NCAPG2: variants seen among roughly 807,000 people sequenced by gnomAD.
The protein encoded by NCAPG2 is non-SMC condensin II complex subunit G2, also known as condensin-2 complex subunit G2.
NCAPG2 carries 53 observed loss-of-function variants against 141.1 expected under a neutral mutation model. The observed-to-expected ratio is 0.38, with a 90% CI of 0.30 to 0.47. NCAPG2 has a LOEUF of 0.47. NCAPG2 is among the 20% of genes least tolerant of loss of function. The pLI is 0.99. For synonymous variants in NCAPG2, 499 were observed against 490.7 expected (o/e 1.02, Z -0.22); for missense variants, 1,087 against 1,389.0 (o/e 0.78, Z 3.46).
Position 158,664,713 on chromosome 7 carries a change from C to T in NCAPG2, c.1517G>A (p.Arg506His), listed in dbSNP as rs753719449. The change falls in exon 14 of 28, where the codon CGT (arginine) becomes CAT (histidine). Residue 506 changes from arginine to histidine, a missense_variant. Physicochemically the swap from Arg to His is conservative, Grantham distance 29 (BLOSUM62 0). Transcript: ENST00000356309. ...CACAGGTCGAGAATCAGTTTCCAGA[C>T]GAACCAGAATGTGCTCCATGGGACA... ...KICPMEHILV[R>H]LETDSRPVSR... 2.4e-5 allele frequency: 38 copies of T among 1,613,872 alleles called. No individual in the cohort carries two copies. The highest frequency in any genetic ancestry group is 1.0e-4 in the Admixed American group (6 of 59,970).
At chr7:158,675,416 C>T in intron 12 of NCAPG2, 61 bp downstream of exon 12, 1 of 1,389,180 alleles carries the variant, frequency 7.2e-7, no homozygotes, top group Non-Finnish European at 9.6e-7. Context: ...TTTTTCTTTT[C>T]CTGTTTTTCT....
In NCAPG2 at chr7:158,631,265, C is replaced by T. The variant is rs865965417; in HGVS notation, c.*401G>A. 1.5e-5 allele frequency: 3 copies of T among 203,868 alleles called. No homozygotes were observed. Among genetic ancestry groups the T allele is most frequent in the Admixed American group, 5.9e-5 (1 of 16,884 alleles). The allele number at this position is 203,868 out of a possible 1,614,324, so 12.6% of individuals were successfully genotyped here. On this transcript the variant is annotated 3_prime_UTR_variant, in exon 28 of 28. Coordinates refer to ENST00000356309, the MANE Select transcript of NCAPG2 (RefSeq NM_017760.7). Reference sequence around the variant, plus strand: ...CCTCCCAAAGTGCTGGGATTACAGGCGTGTGCCACTGCGCCGGGCCCCTAA... The same window carrying T: ...CCTCCCAAAGTGCTGGGATTACAGGTGTGTGCCACTGCGCCGGGCCCCTAA...
chr7:158,695,255 G>A (rs1416029289), intron 2 of NCAPG2, among the ~76,000 whole-genome samples: 4 of 152,172 alleles, frequency 2.6e-5, no homozygotes, highest in Non-Finnish European at 5.9e-5. Context: ...GGAAATACTA[G>A]TTGACTGATG....
chr7:158,691,897 C>G (rs748790044), intron 4 of NCAPG2, among the ~76,000 whole-genome samples: 1 of 152,184 alleles, frequency 6.6e-6, no homozygotes, highest in South Asian at 2.1e-4. Flanking sequence ...TTCTTCTCAA[C>G]AAGTTCTTGA....
chr7:158,650,891 C>G lies in NCAPG2; in HGVS notation c.3016G>C (p.Gly1006Arg). The change falls in exon 24 of 28, where the codon GGT (glycine) becomes CGT (arginine). Residue 1006 changes from glycine (G) to arginine (R), a missense_variant. Physicochemically the swap from Gly to Arg is moderately radical, Grantham distance 125. Coordinates refer to ENST00000356309, the MANE Select transcript of NCAPG2 (RefSeq NM_017760.7). Reference protein sequence around the residue: ...SRHTDTPVHRGVLSTLIAGPV... With the variant: ...SRHTDTPVHRRVLSTLIAGPV... ...CCAGCGATCAGAGTAGAAAGTACACCCCGGTGCACAGGGGTGTCTGTGTGC... is the reference window on the plus strand; with the variant it reads ...CCAGCGATCAGAGTAGAAAGTACACGCCGGTGCACAGGGGTGTCTGTGTGC... 3.7e-6 allele frequency: 6 copies of G among 1,613,854 alleles called. No individual in the cohort carries two copies. The highest frequency in any genetic ancestry group is 3.4e-6 in the Non-Finnish European group (4 of 1,179,950).
intron 14 of NCAPG2, 66 bp downstream of exon 14, chr7:158,664,462 C>G (rs1361138950): frequency 1.0e-5 from 16 of 1,555,430 alleles, no homozygotes; most frequent in Non-Finnish European, 1.4e-5. Flanking sequence ...ATACTGAACT[C>G]TGTAATTTGT....
At chr7:158,694,261 A>G (rs1835301975) in intron 2 of NCAPG2, among the ~76,000 whole-genome samples, 1 of 152,212 alleles carries the variant, frequency 6.6e-6, no homozygotes, top group African/African-American at 2.4e-5. Flanking sequence ...ATATCAAATC[A>G]TTAATTAATA....
intron 1 of NCAPG2, among the ~76,000 whole-genome samples, chr7:158,703,099 T>C (rs1835910370): frequency 6.6e-6 from 1 of 152,254 alleles, no homozygotes; most frequent in Non-Finnish European, 1.5e-5. Flanking sequence ...CCTATGTGTG[T>C]AGGCTACACC....
intron 17 of NCAPG2, among the ~76,000 whole-genome samples, chr7:158,656,995 A>G (rs1343463622): frequency 6.6e-6 from 1 of 152,236 alleles, no homozygotes; most frequent in African/African-American, 2.4e-5. Context: ...CAGATTCTAG[A>G]GCAAGAGTTT....
Position 158,657,356 on chromosome 7 carries a change from G to C in NCAPG2, c.2061-651C>G, listed in dbSNP as rs1181915123. Among the ~76,000 whole-genome samples the C allele has an allele frequency of 1.2e-4, 19 of 152,220 alleles. 1 individual carries two copies. Among genetic ancestry groups the C allele is most frequent in the Admixed American group, 1.2e-3 (18 of 15,282 alleles). On this transcript the variant is annotated intron_variant, in intron 17 of 27. Transcript: ENST00000356309. ...TCTCAGCTCAAATAGCCAAAGCCCAGGTGCTCAGGGCCACATGTGACCAAC... is the reference window on the plus strand; with the variant it reads ...TCTCAGCTCAAATAGCCAAAGCCCACGTGCTCAGGGCCACATGTGACCAAC...
In NCAPG2 at chr7:158,655,213, C is replaced by T; in HGVS notation, c.2551G>A (p.Gly851Ser). 6.2e-7 allele frequency: 1 copy of T among 1,614,102 alleles called. No homozygotes were observed. Among genetic ancestry groups the T allele is most frequent in the Non-Finnish European group, 8.5e-7 (1 of 1,180,012 alleles). The part of the protein sequence containing the change: ...KVYLSMLEDT[G>S]FWLESKILSF... ...AAAATTTTGCTTTCTAACCAAAAGC[C>T]AGTGTCTTCCAACATGGACAAATAC... is the stretch of plus-strand genomic sequence containing the variant. The change falls in exon 21 of 28, where the codon GGC becomes AGC. Residue 851 changes from glycine (G) to serine (S), a missense_variant. By Grantham distance (56) the Gly-to-Ser change is moderately conservative (BLOSUM62 0). Coordinates refer to ENST00000356309, the MANE Select transcript of NCAPG2 (RefSeq NM_017760.7).
At chr7:158,668,470 T>G (rs1211082053) in intron 13 of NCAPG2, 36 of 951,168 alleles carry the variant, frequency 3.8e-5, no homozygotes, top group Admixed American at 6.2e-5. Context: ...TGGTTTTAAG[T>G]GCTTATCTTT....
At chr7:158,639,197 T>C (rs1830477696) in intron 27 of NCAPG2, among the ~76,000 whole-genome samples, 1 of 151,892 alleles carries the variant, frequency 6.6e-6, no homozygotes, top group Admixed American at 6.6e-5. Flanking sequence ...AGCATCAACC[T>C]CCTGGGCTCA....
intron 27 of NCAPG2, among the ~76,000 whole-genome samples, chr7:158,638,308 C>T (rs773082361): frequency 2.0e-5 from 3 of 152,110 alleles, no homozygotes; most frequent in Non-Finnish European, 4.4e-5. Flanking sequence ...AGTGCGGTGG[C>T]GCAATCTCAA....
At chr7:158,652,107 A>C (rs1465135129) in intron 23 of NCAPG2, among the ~76,000 whole-genome samples, 186 bp downstream of exon 23, 2 of 152,078 alleles carry the variant, frequency 1.3e-5, no homozygotes, top group African/African-American at 4.8e-5. Flanking sequence ...CTCTCAGTGT[A>C]TCCACCATGG....
At position 158,637,578 on chromosome 7, in the gene NCAPG2, C is replaced by CTGGCCCACCCCATCCGAGCCACA. The variant is rs1830368947; in HGVS notation, c.3381-5862_3381-5861insTGTGGCTCGGATGGGGTGGGCCA. 3.3e-5 allele frequency among the ~76,000 whole-genome samples: 5 copies of CTGGCCCACCCCATCCGAGCCACA among 152,022 alleles called. No individual in the cohort carries two copies. In the South Asian group the frequency reaches 6.2e-4, roughly 19 times the overall value. On this transcript the variant is annotated intron_variant, in intron 27 of 27. Transcript: ENST00000356309. ...GAGAGTAGGCTTTCCAGCTCCGGCT[C>CTGGCCCACCCCATCCGAGCCACA]CAGCAGCTCCCCAGCACCTCCCCTG...
intron 8 of NCAPG2, 51 bp from the exon 9 acceptor site, chr7:158,683,437 A>G (rs1245921575): frequency 7.3e-7 from 1 of 1,373,602 alleles, no homozygotes; most frequent in Non-Finnish European, 1.0e-6. Flanking sequence ...TGTCCTACTG[A>G]CGACCTGACA....
At chr7:158,643,781 A>C (rs1830805978) in intron 27 of NCAPG2, among the ~76,000 whole-genome samples, 1 of 152,268 alleles carries the variant, frequency 6.6e-6, no homozygotes. Flanking sequence ...AATGCAGAGC[A>C]TACCAAACAG....
chr7:158,663,727 G>C (rs868823952), intron 15 of NCAPG2, among the ~76,000 whole-genome samples: 3 of 152,120 alleles, frequency 2.0e-5, no homozygotes, highest in Admixed American at 6.5e-5. Context: ...ACAAGCACAG[G>C]AGTTTAGAAG....
Sources: gnomAD v4.1 joint callset for allele counts (sites outside exome capture counted in the v4.1 genomes callset) on GRCh38, gnomAD v4.1.1 for gene constraint, MANE v1.5 for transcripts, NCBI Gene and HGNC (gene_info 2026-07-23, HGNC 2026-07-21) for gene names.